SWAP70: variants seen among roughly 807,000 people sequenced by gnomAD.
SWAP70 encodes switch-associated protein 70.
Under a neutral mutation model 80.2 loss-of-function variants are expected in SWAP70, and 34 were observed. The observed-to-expected ratio is 0.42, with a 90% CI of 0.32 to 0.56. The LOEUF (loss-of-function observed/expected upper bound fraction) is 0.56. SWAP70 is among the 20% of genes least tolerant of loss of function. The pLI is 0.09. For synonymous variants in SWAP70, 239 were observed against 238.5 expected, an observed-to-expected ratio of 1.00 and a Z score of -0.02; for missense variants, 578 against 690.7, an observed-to-expected ratio of 0.84 and a Z score of 1.83.
intron 7 of SWAP70, among the ~76,000 whole-genome samples, chr11:9,733,652 C>T (rs550163366): frequency 6.6e-6 from 1 of 152,288 alleles, no homozygotes; most frequent in South Asian, 2.1e-4. Flanking sequence ...TGCCTCCCAC[C>T]CTTGAAACAG....
chr11:9,720,528 C>T (rs1228383250), intron 3 of SWAP70: 1 of 974,424 alleles, frequency 1.0e-6, no homozygotes, highest in East Asian at 1.1e-4. Flanking sequence ...TGTGCCAGGA[C>T]ATGGTCATTC....
intron 2 of SWAP70, among the ~76,000 whole-genome samples, chr11:9,703,149 C>T (rs1481339020): frequency 6.6e-6 from 1 of 152,156 alleles, no homozygotes; most frequent in Non-Finnish European, 1.5e-5. Context: ...TTTGCCTATT[C>T]TGGACATATA....
intron 7 of SWAP70, among the ~76,000 whole-genome samples, chr11:9,733,399 A>C (rs1009922113): frequency 6.6e-6 from 1 of 152,074 alleles, no homozygotes; most frequent in Admixed American, 6.6e-5. Flanking sequence ...TCTGTGCAAA[A>C]ACTTTGCTCT....
At position 9,664,123 on chromosome 11, in the gene SWAP70, G is replaced by T; in HGVS notation, c.-57G>T. 6.7e-7 allele frequency: 1 copy of T among 1,500,506 alleles called. No homozygotes were observed. The highest frequency in any genetic ancestry group is 8.9e-7 in the Non-Finnish European group (1 of 1,119,112). 92.9% of individuals were successfully genotyped at this position (1,500,506 alleles called of 1,614,324 possible). A position where few individuals can be genotyped will look rare whatever the true frequency, so the allele number is the denominator to read the frequency against. ...TGGCTGCGGAGGTTGAGGGGCGTCCGAGGCGCGGAGGGGCTGGCTGGGCAG... is the reference window on the plus strand; with the variant it reads ...TGGCTGCGGAGGTTGAGGGGCGTCCTAGGCGCGGAGGGGCTGGCTGGGCAG... On this transcript the variant is annotated 5_prime_UTR_variant, in exon 1 of 12. Transcript: ENST00000318950.
intron 6 of SWAP70, among the ~76,000 whole-genome samples, chr11:9,729,699 G>T (rs10840294): frequency 0.55 from 84,086 of 151,808 alleles, 23,610 homozygotes; most frequent in Middle Eastern, 0.74. Flanking sequence ...TCACCATGTT[G>T]GTCACGCTGG....
chr11:9,680,547 C>G (rs1850554333), intron 1 of SWAP70, among the ~76,000 whole-genome samples: 1 of 152,136 alleles, frequency 6.6e-6, no homozygotes, highest in African/African-American at 2.4e-5. Flanking sequence ...TCCTGAATAG[C>G]TGGTATTACA....
intron 2 of SWAP70, among the ~76,000 whole-genome samples, chr11:9,699,925 T>A (rs1850810798): frequency 6.6e-6 from 1 of 151,534 alleles, no homozygotes; most frequent in Non-Finnish European, 1.5e-5. Flanking sequence ...GAATTGTGTC[T>A]GTTATTAAAA....
chr11:9,741,163 A>G (rs1458494888), intron 9 of SWAP70: 1 of 152,204 alleles, frequency 6.6e-6, no homozygotes, highest in Non-Finnish European at 1.5e-5. Context: ...CATGGCTGCC[A>G]TTTTACATGT....
At chr11:9,742,884 CTTT>C (rs56710904) in intron 9 of SWAP70, among the ~76,000 whole-genome samples, 7 of 140,960 alleles carry the variant, frequency 5.0e-5, no homozygotes, top group African/African-American at 1.5e-4. Context: ...CTTCTCACTC[CTTT>C]TTTTTTTTTT....
intron 4 of SWAP70, among the ~76,000 whole-genome samples, chr11:9,725,569 ATTTTT>A (rs746391271): frequency 0.064 from 1,672 of 26,140 alleles, 28 homozygotes; most frequent in Middle Eastern, 0.15. Context: ...ATATATATAT[ATTTTT>A]TTTTTTTTTT....
chr11:9,717,347 T>A (rs1433951116), intron 3 of SWAP70, among the ~76,000 whole-genome samples: 1 of 152,166 alleles, frequency 6.6e-6, no homozygotes, highest in African/African-American at 2.4e-5. Context: ...ATTTACAGTA[T>A]TTTAGGCTAA....
At chr11:9,683,619 G>A (rs1473576974) in intron 1 of SWAP70, among the ~76,000 whole-genome samples, 3 of 152,138 alleles carry the variant, frequency 2.0e-5, no homozygotes, top group Non-Finnish European at 4.4e-5. Flanking sequence ...TACCTGTGGG[G>A]TGGGAGAGAG....
intron 7 of SWAP70, among the ~76,000 whole-genome samples, chr11:9,733,640 AC>A (rs1851328243): frequency 1.3e-5 from 2 of 152,342 alleles, no homozygotes; most frequent in Admixed American, 1.3e-4. Flanking sequence ...CTCATTTCTT[AC>A]TGCCTCCCAC....
intron 3 of SWAP70, chr11:9,720,264 C>T: frequency 2.0e-6 from 2 of 985,376 alleles, no homozygotes; most frequent in South Asian, 4.7e-5. Flanking sequence ...AGTTGTCTGG[C>T]ACAGTCACTG....
chr11:9,722,760 A>G (rs1186490703), intron 3 of SWAP70, among the ~76,000 whole-genome samples: 2 of 152,336 alleles, frequency 1.3e-5, no homozygotes, highest in East Asian at 3.9e-4. Flanking sequence ...CTTATAATCT[A>G]TGGCAAGTGG....
chr11:9,707,715 C>T (rs952320946), intron 2 of SWAP70, among the ~76,000 whole-genome samples: 1 of 151,846 alleles, frequency 6.6e-6, no homozygotes, highest in South Asian at 2.1e-4. Context: ...GCCACCATGC[C>T]TGGCTAATTT....
chr11:9,732,487 T>C, intron 6 of SWAP70, 42 bp from the exon 7 acceptor site: 1 of 1,552,132 alleles, frequency 6.4e-7, no homozygotes, highest in Non-Finnish European at 8.7e-7. Context: ...AAAGAATAAA[T>C]AATATCTCCC....
chr11:9,714,970 C>CTTT (rs34803928), intron 3 of SWAP70, among the ~76,000 whole-genome samples: 1,704 of 109,988 alleles, frequency 0.015, 63 homozygotes, highest in African/African-American at 0.059. Context: ...CCACACCTGC[C>CTTT]TTTTTTTTTT....
intron 8 of SWAP70, among the ~76,000 whole-genome samples, chr11:9,739,902 TCTTGA>T (rs941814726): frequency 2.0e-5 from 3 of 152,256 alleles, no homozygotes; most frequent in African/African-American, 7.2e-5. Flanking sequence ...AACATTTTTT[TCTTGA>T]CTTGAGTCTT....
Sources: allele counts gnomAD v4.1 joint callset (sites outside exome capture counted in the v4.1 genomes callset), GRCh38; gene constraint gnomAD v4.1.1; transcripts MANE v1.5; gene names NCBI Gene and HGNC (gene_info 2026-07-23, HGNC 2026-07-21).